NCAM2: variants seen among roughly 807,000 people sequenced by gnomAD.
NCAM2 encodes the protein neural cell adhesion molecule 2, also known as N-CAM-2.
NCAM2 carries 30 observed loss-of-function variants against 98.1 expected under a neutral mutation model. The observed-to-expected ratio is 0.31, with a 90% CI of 0.23 to 0.41. The LOEUF (loss-of-function observed/expected upper bound fraction) is 0.41. NCAM2 is among the 10% of genes least tolerant of loss of function. The pLI, the probability that NCAM2 is intolerant of heterozygous loss-of-function variation, is 1.00. For synonymous variants in NCAM2, 368 were observed against 342.4 expected (o/e 1.07, Z -0.83); for missense variants, 867 against 1,005.8 (o/e 0.86, Z 1.87).
At chr21:21,420,108 GAA>G (rs1319764763) in intron 11 of NCAM2, among the ~76,000 whole-genome samples, 1 of 151,950 alleles carries the variant, frequency 6.6e-6, no homozygotes, top group Non-Finnish European at 1.5e-5. Context: ...AACACTCTGA[GAA>G]AAAATGAACT....
chr21:21,308,699 T>G (rs2073955053), intron 5 of NCAM2, among the ~76,000 whole-genome samples: 2 of 152,204 alleles, frequency 1.3e-5, no homozygotes, highest in Admixed American at 6.5e-5. Context: ...GTTCACATAT[T>G]GTTCTCTGTC....
chr21:21,199,020 G>A (rs2069113316), intron 1 of NCAM2, among the ~76,000 whole-genome samples: 1 of 151,976 alleles, frequency 6.6e-6, no homozygotes, highest in Non-Finnish European at 1.5e-5. Flanking sequence ...TATGATTTTT[G>A]TCCTAGGATT....
At chr21:21,430,104 C>T (rs1045193400) in intron 11 of NCAM2, among the ~76,000 whole-genome samples, 3 of 152,000 alleles carry the variant, frequency 2.0e-5, no homozygotes, top group Admixed American at 2.0e-4. Context: ...TCTCAACTCA[C>T]TGCAACTTCT....
intron 1 of NCAM2, among the ~76,000 whole-genome samples, chr21:21,030,418 T>A (rs565595046): frequency 6.6e-6 from 1 of 152,300 alleles, no homozygotes; most frequent in South Asian, 2.1e-4. Context: ...GTTCTATAGG[T>A]CAGAAGTTTC....
chr21:21,358,872 T>A (rs232486), intron 8 of NCAM2, among the ~76,000 whole-genome samples: 54,389 of 151,806 alleles, frequency 0.36, 9,950 homozygotes, highest in East Asian at 0.58. Context: ...CATATAAATT[T>A]GATATTTACT....
chr21:21,313,252 C>A (rs1413326050), intron 5 of NCAM2, among the ~76,000 whole-genome samples: 1 of 151,576 alleles, frequency 6.6e-6, no homozygotes, highest in Non-Finnish European at 1.5e-5. Context: ...TTTCTTCCTC[C>A]TGCTTAATTT....
chr21:21,525,578 AC>A lies in NCAM2; in HGVS notation c.2283-8957del, dbSNP rs1273952711. Among the ~76,000 whole-genome samples the A allele has an allele frequency of 3.9e-5, 6 of 152,288 alleles. No individual in the cohort carries two copies. The East Asian group carries it at 1.2e-3, about 29-fold the overall frequency. ...CCAGACAAGTTCACTGGTGAATTCT[AC>A]CAAACATTTAAACATTAAATTATAT... On this transcript the variant is annotated intron_variant, in intron 16 of 17. Coordinates refer to ENST00000400546, the MANE Select transcript of NCAM2 (RefSeq NM_004540.5).
At chr21:21,466,554 GATATATATGT>G (rs1416624149) in intron 12 of NCAM2, 42 bp from the exon 13 acceptor site, 2 of 1,228,032 alleles carry the variant, frequency 1.6e-6, no homozygotes, top group Non-Finnish European at 2.2e-6. Context: ...TGTCCAATTA[GATATATATGT>G]ATATATATGT....
rs901630468 is a variant in NCAM2 at position 21,180,137 on chromosome 21, A to G, written c.56-100441A>G. 3.3e-5 allele frequency among the ~76,000 whole-genome samples: 5 copies of G among 152,134 alleles called. No individual in the cohort carries two copies. In the East Asian group the frequency reaches 9.6e-4, roughly 29 times the overall value. On this transcript the variant is annotated intron_variant, in intron 1 of 17. Transcript: ENST00000400546. Reference sequence around the variant, plus strand: ...CCTTCCTCACAGACTGATGGCTACCATCCAACAAAGGACGTTCCAATGGGT... The same window carrying G: ...CCTTCCTCACAGACTGATGGCTACCGTCCAACAAAGGACGTTCCAATGGGT...
chr21:21,471,952 G>GT (rs1210326982), intron 14 of NCAM2, among the ~76,000 whole-genome samples: 4 of 151,936 alleles, frequency 2.6e-5, no homozygotes, highest in Non-Finnish European at 5.9e-5. Flanking sequence ...CAATAAATCA[G>GT]TAAGTTTAAA....
intron 1 of NCAM2, among the ~76,000 whole-genome samples, chr21:21,090,411 A>G (rs189949413): frequency 1.3e-5 from 2 of 152,324 alleles, no homozygotes; most frequent in East Asian, 1.9e-4. Flanking sequence ...CAAAGAGTGA[A>G]TATGAATATG....
chr21:21,466,736 A>G lies in NCAM2; in HGVS notation c.1774+11A>G. On this transcript the variant is annotated intron_variant, in intron 13 of 17. Transcript: ENST00000400546. ...AAACATTACCAGTTCGTAAGTAATC[A>G]TCTCTATTTTTTATTCTCTTTTGTC... is the stretch of plus-strand genomic sequence containing the variant. The G allele has an allele frequency of 6.3e-7, 1 of 1,591,588 alleles. No homozygotes were observed. Among genetic ancestry groups the G allele is most frequent in the Non-Finnish European group, 8.5e-7 (1 of 1,170,258 alleles).
Position 21,284,259 on chromosome 21 carries a change from A to T in NCAM2, c.196A>T (p.Arg66Trp). Residue 66 changes from arginine (R) to tryptophan (W), a missense_variant, in exon 3 of 18, where the codon AGG becomes TGG. Arg to Trp is a moderately radical substitution (Grantham distance 101). Coordinates refer to ENST00000400546, the MANE Select transcript of NCAM2 (RefSeq NM_004540.5). ...PQGEKIISTQRVVVQKEGVRS... is the reference protein window; with the variant it reads ...PQGEKIISTQWVVVQKEGVRS... The stretch of plus-strand genomic sequence containing the variant: ...AGGAGAGAAGATAATTTCAACACAG[A>T]GGGTAGTAGTGCAAAAGGAAGGTGT... 6.2e-7 allele frequency: 1 copy of T among 1,612,550 alleles called. No homozygotes were observed. The highest frequency in any genetic ancestry group is 8.5e-7 in the Non-Finnish European group (1 of 1,178,796).
At chr21:21,489,664 A>G (rs1986685942) in intron 15 of NCAM2, among the ~76,000 whole-genome samples, 1 of 152,180 alleles carries the variant, frequency 6.6e-6, no homozygotes, top group Admixed American at 6.5e-5. Flanking sequence ...CAGATATTCT[A>G]CAAATTGTCT....
intron 6 of NCAM2, among the ~76,000 whole-genome samples, chr21:21,333,153 C>G (rs2074762271): frequency 6.6e-6 from 1 of 151,990 alleles, no homozygotes; most frequent in Non-Finnish European, 1.5e-5. Context: ...TTCTACCTGA[C>G]TTTATTGGGA....
At chr21:21,482,786 T>G (rs1986007163) in intron 15 of NCAM2, among the ~76,000 whole-genome samples, 1 of 151,836 alleles carries the variant, frequency 6.6e-6, no homozygotes, top group Admixed American at 6.5e-5. Flanking sequence ...CATTTTTTCT[T>G]ATTAAAGATG....
chr21:21,517,196 G>T (rs963189732), intron 16 of NCAM2, among the ~76,000 whole-genome samples: 3 of 152,062 alleles, frequency 2.0e-5, no homozygotes, highest in African/African-American at 7.2e-5. Flanking sequence ...GCTCAATAAA[G>T]ATTTTCTATT....
intron 1 of NCAM2, among the ~76,000 whole-genome samples, chr21:21,041,188 A>G (rs2064897059): frequency 6.6e-6 from 1 of 152,204 alleles, no homozygotes; most frequent in African/African-American, 2.4e-5. Context: ...AGGGTCATAT[A>G]AGAAACATAG....
chr21:21,351,504 G>A (rs2075338874), intron 8 of NCAM2, among the ~76,000 whole-genome samples: 1 of 152,064 alleles, frequency 6.6e-6, no homozygotes, highest in Non-Finnish European at 1.5e-5. Flanking sequence ...CACAGAATAT[G>A]AAATAGCCAT....
Sources: gnomAD v4.1 joint callset for allele counts (sites outside exome capture counted in the v4.1 genomes callset) on GRCh38, gnomAD v4.1.1 for gene constraint, MANE v1.5 for transcripts, NCBI Gene and HGNC (gene_info 2026-07-23, HGNC 2026-07-21) for gene names.